Variants in CACUL1 observed in about 807,000 individuals in gnomAD.
CACUL1 encodes CDK2 associated cullin domain 1, also known as CDK2-associated and cullin domain-containing protein 1.
Under a neutral mutation model 45.2 loss-of-function variants are expected in CACUL1, and 13 were observed. The observed-to-expected ratio is 0.29, with a 90% CI of 0.19 to 0.46. The LOEUF (loss-of-function observed/expected upper bound fraction) is 0.46, where lower values mean the gene tolerates loss of function less well. CACUL1 is among the 20% of genes least tolerant of loss of function. CACUL1 has a pLI of 1.00. For missense variants in CACUL1, 421 were observed against 471.4 expected (o/e 0.89, Z 0.99); for synonymous variants, 197 against 174.2 (o/e 1.13, Z -1.03).
intron 1 of CACUL1, among the ~76,000 whole-genome samples, chr10:118,733,396 C>T (rs1038987745): frequency 1.3e-5 from 2 of 151,996 alleles, no homozygotes; most frequent in Non-Finnish European, 2.9e-5. Flanking sequence ...TCTATGTTAC[C>T]TGAATAGTAA....
chr10:118,742,468 T>TA (rs2119669981), intron 1 of CACUL1, among the ~76,000 whole-genome samples: 1 of 152,304 alleles, frequency 6.6e-6, no homozygotes, highest in South Asian at 2.1e-4. Flanking sequence ...GCCTTTCTCT[T>TA]ACAGTTTCAT....
At position 118,710,225 on chromosome 10, in the gene CACUL1, G is replaced by A. The variant is rs67950413; in HGVS notation, c.598-2638C>T. On this transcript the variant is annotated intron_variant, in intron 3 of 8. Coordinates refer to ENST00000369151, the MANE Select transcript of CACUL1 (RefSeq NM_153810.5). ...ACAGGTGTGAGCCACCACACCCAGC[G>A]CATTTCTTTTTCTTAGTCCTTCTAA... is the stretch of plus-strand genomic sequence containing the variant. 1.0e-3 allele frequency among the ~76,000 whole-genome samples: 153 copies of A among 151,614 alleles called. 1 individual carries two copies. The highest frequency in any genetic ancestry group is 8.4e-4 in the Non-Finnish European group (57 of 67,846).
At position 118,690,195 on chromosome 10, in the gene CACUL1, G is replaced by A. The variant is rs544613591; in HGVS notation, c.1025+1070C>T. ...GGGCGCCTGTAGTCCCAGCTACTCG[G>A]GAGGCTGAGGCAGGAGAATGGCGTG... On this transcript the variant is annotated intron_variant, in intron 7 of 8. Transcript: ENST00000369151. 3.1e-3 allele frequency among the ~76,000 whole-genome samples: 468 copies of A among 151,798 alleles called. 3 individuals carry two copies. Among genetic ancestry groups the A allele is most frequent in the African/African-American group, 0.011 (450 of 41,364 alleles).
chr10:118,699,928 G>A (rs140903027), intron 5 of CACUL1, among the ~76,000 whole-genome samples: 13 of 152,002 alleles, frequency 8.6e-5, no homozygotes, highest in Non-Finnish European at 1.9e-4. Flanking sequence ...GATTACAGGC[G>A]TGAGCCACTG....
intron 1 of CACUL1, among the ~76,000 whole-genome samples, chr10:118,750,715 T>C (rs1332010771): frequency 6.6e-6 from 1 of 152,202 alleles, no homozygotes; most frequent in East Asian, 1.9e-4. Context: ...ACACTGCTAT[T>C]CCCACAAGCA....
At chr10:118,708,883 T>G (rs929613384) in intron 3 of CACUL1, among the ~76,000 whole-genome samples, 2 of 152,122 alleles carry the variant, frequency 1.3e-5, no homozygotes, top group African/African-American at 4.8e-5. Context: ...AGAAACAAAT[T>G]TCTTTGTTTA....
intron 3 of CACUL1, among the ~76,000 whole-genome samples, chr10:118,722,088 T>A (rs1040891835): frequency 4.4e-4 from 67 of 151,820 alleles, no homozygotes; most frequent in African/African-American, 1.6e-3. Flanking sequence ...AACTTTTTTT[T>A]TTTTTTTTTC....
At chr10:118,747,692 T>A (rs542856875) in intron 1 of CACUL1, among the ~76,000 whole-genome samples, 5 of 152,248 alleles carry the variant, frequency 3.3e-5, no homozygotes, top group African/African-American at 1.2e-4. Flanking sequence ...CAATACACAT[T>A]GTATGATTTC....
chr10:118,754,079 A>G (rs1168106358), intron 1 of CACUL1, among the ~76,000 whole-genome samples: 1 of 152,176 alleles, frequency 6.6e-6, no homozygotes, highest in Non-Finnish European at 1.5e-5. Context: ...CGGGTGCGAA[A>G]AGAGCTTCCC....
intron 2 of CACUL1, among the ~76,000 whole-genome samples, chr10:118,729,667 T>A (rs189284528): frequency 6.6e-6 from 1 of 152,328 alleles, no homozygotes; most frequent in East Asian, 1.9e-4. Flanking sequence ...GGTGAGAATC[T>A]AAGGTCTGAA....
chr10:118,711,078 CCAA>C lies in CACUL1; in HGVS notation c.598-3494_598-3492del, dbSNP rs564814682. On this transcript the variant is annotated intron_variant, in intron 3 of 8. Coordinates refer to ENST00000369151, the MANE Select transcript of CACUL1 (RefSeq NM_153810.5). ...ATTTGTCTAATGCTTCAAAAGAAAT[CCAA>C]CAACATTTTTGTTTTTGAGATGGAG... Among the ~76,000 whole-genome samples the C allele has an allele frequency of 1.7e-3, 256 of 152,284 alleles. 1 individual carries two copies. The Middle Eastern group carries it at 0.017, about 10-fold the overall frequency.
At chr10:118,714,736 C>T (rs1164300242) in intron 3 of CACUL1, among the ~76,000 whole-genome samples, 1 of 152,154 alleles carries the variant, frequency 6.6e-6, no homozygotes, top group East Asian at 1.9e-4. Flanking sequence ...CATTTCTTTA[C>T]ATAAAATATT....
intron 1 of CACUL1, among the ~76,000 whole-genome samples, chr10:118,747,536 C>CAAAA (rs3061057): frequency 7.8e-4 from 61 of 77,918 alleles, no homozygotes; most frequent in Non-Finnish European, 9.5e-4. Flanking sequence ...TTTGGTAAAT[C>CAAAA]AAAAAAAAAA....
chr10:118,737,877 T>C (rs1032382880), intron 1 of CACUL1, among the ~76,000 whole-genome samples: 1 of 152,300 alleles, frequency 6.6e-6, no homozygotes, highest in African/African-American at 2.4e-5. Context: ...TATCAAGACA[T>C]CCATTTTAGC....
intron 1 of CACUL1, among the ~76,000 whole-genome samples, chr10:118,748,514 C>T (rs961741705): frequency 3.3e-5 from 5 of 152,172 alleles, no homozygotes; most frequent in African/African-American, 1.2e-4. Context: ...TCATCTCTCA[C>T]TCAGGAGTCC....
intron 3 of CACUL1, among the ~76,000 whole-genome samples, chr10:118,725,477 T>G (rs987297534): frequency 1.3e-5 from 2 of 151,852 alleles, no homozygotes; most frequent in African/African-American, 4.8e-5. Context: ...CATAAATAAA[T>G]AAGAAGAGCG....
intron 1 of CACUL1, among the ~76,000 whole-genome samples, chr10:118,736,265 T>C (rs998234041): frequency 1.3e-5 from 2 of 151,722 alleles, no homozygotes; most frequent in Non-Finnish European, 2.9e-5. Flanking sequence ...TATTTTTGTA[T>C]AGTTGTACTG....
intron 1 of CACUL1, among the ~76,000 whole-genome samples, chr10:118,740,470 C>T (rs1031706229): frequency 1.3e-5 from 2 of 151,812 alleles, no homozygotes; most frequent in Non-Finnish European, 2.9e-5. Context: ...ATTAGCCAGG[C>T]ATGGTGGCAC....
At chr10:118,752,730 T>C (rs1196875276) in intron 1 of CACUL1, among the ~76,000 whole-genome samples, 1 of 152,236 alleles carries the variant, frequency 6.6e-6, no homozygotes, top group Admixed American at 6.5e-5. Context: ...CATCAGCGTA[T>C]CTGGATGCAG....
Sources: allele counts gnomAD v4.1 joint callset (sites outside exome capture counted in the v4.1 genomes callset), GRCh38; gene constraint gnomAD v4.1.1; transcripts MANE v1.5; gene names NCBI Gene and HGNC (gene_info 2026-07-23, HGNC 2026-07-21).